Variants in IL1RAPL2 observed in about 807,000 individuals in gnomAD.
The protein encoded by IL1RAPL2 is X-linked interleukin-1 receptor accessory protein-like 2.
IL1RAPL2 carries 3 observed loss-of-function variants against 44.1 expected under a neutral mutation model. That is an observed-to-expected ratio of 0.07 (90% CI 0.03 to 0.18). The LOEUF (loss-of-function observed/expected upper bound fraction) is 0.18, where lower values mean the gene tolerates loss of function less well. Among genes scored for constraint, IL1RAPL2 ranks in the 10% least tolerant of loss-of-function variants. IL1RAPL2 has a pLI of 1.00. For missense variants in IL1RAPL2, 391 were observed against 496.4 expected, an observed-to-expected ratio of 0.79 and a Z score of 2.02; for synonymous variants, 181 against 178.8, an observed-to-expected ratio of 1.01 and a Z score of -0.10.
intron 5 of IL1RAPL2, among the ~76,000 whole-genome samples, chrX:105,380,993 A>G (rs1056460807): frequency 4.4e-4 from 49 of 111,444 alleles, no homozygotes; most frequent in Non-Finnish European, 7.6e-5. Flanking sequence ...TCAGGCATCT[A>G]TATTTATTGA....
At chrX:105,205,284 T>G (rs1213064440) in intron 3 of IL1RAPL2, among the ~76,000 whole-genome samples, 1 of 109,697 alleles carries the variant, frequency 9.1e-6, no homozygotes, top group Non-Finnish European at 1.9e-5. Context: ...GGAACAGGCT[T>G]GATTCGAGAA....
chrX:105,326,549 C>T (rs756724607), intron 5 of IL1RAPL2, among the ~76,000 whole-genome samples: 2 of 111,695 alleles, frequency 1.8e-5, no homozygotes. Flanking sequence ...TTAGCTCTTA[C>T]ATGTAGGTCT....
intron 2 of IL1RAPL2, among the ~76,000 whole-genome samples, chrX:104,847,153 C>T (rs1239477495): frequency 8.9e-6 from 1 of 111,885 alleles, no homozygotes; most frequent in Non-Finnish European, 1.9e-5. Context: ...TGCCTGTTCA[C>T]TCTGATGATA....
chrX:105,512,858 TTGC>T (rs1157117131), intron 6 of IL1RAPL2, among the ~76,000 whole-genome samples: 1 of 110,873 alleles, frequency 9.0e-6, no homozygotes, highest in African/African-American at 3.3e-5. Flanking sequence ...CCATGGTGGT[TTGC>T]TGCACACATC....
chrX:105,155,657 A>AG (rs2033262958), intron 2 of IL1RAPL2, among the ~76,000 whole-genome samples: 1 of 111,054 alleles, frequency 9.0e-6, no homozygotes, highest in South Asian at 3.8e-4. Flanking sequence ...GACTACAGAG[A>AG]GGGGGCCTGG....
intron 5 of IL1RAPL2, among the ~76,000 whole-genome samples, chrX:105,371,904 G>T (rs1471665618): frequency 9.0e-6 from 1 of 111,560 alleles, no homozygotes; most frequent in Admixed American, 9.5e-5. Context: ...TATCTGAGAT[G>T]ATATCCCGTT....
intron 5 of IL1RAPL2, among the ~76,000 whole-genome samples, chrX:105,388,950 G>A (rs1321935448): frequency 1.8e-5 from 2 of 111,030 alleles, no homozygotes; most frequent in Non-Finnish European, 3.8e-5. Context: ...ATAAATAATT[G>A]CCTACAAAGG....
chrX:105,404,272 G>A (rs752152246), intron 5 of IL1RAPL2, among the ~76,000 whole-genome samples: 1 of 111,539 alleles, frequency 9.0e-6, no homozygotes, highest in Non-Finnish European at 1.9e-5. Flanking sequence ...GCATGAGACT[G>A]GTTTAGATGA....
At chrX:105,548,820 G>A (rs2036828741) in intron 6 of IL1RAPL2, among the ~76,000 whole-genome samples, 1 of 111,812 alleles carries the variant, frequency 8.9e-6, no homozygotes, top group African/African-American at 3.3e-5. Context: ...GGATTAACAC[G>A]GTCTTAGACA....
At chrX:105,306,683 G>A (rs1474640733) in intron 5 of IL1RAPL2, among the ~76,000 whole-genome samples, 1 of 111,237 alleles carries the variant, frequency 9.0e-6, no homozygotes, top group African/African-American at 3.3e-5. Context: ...CGAAGATTGT[G>A]TTCTAAAAAG....
At chrX:105,144,460 CT>C (rs1388696931) in intron 2 of IL1RAPL2, among the ~76,000 whole-genome samples, 3 of 111,139 alleles carry the variant, frequency 2.7e-5, no homozygotes, top group African/African-American at 9.9e-5. Flanking sequence ...AAGTCTTCTG[CT>C]TAAACCCTTC....
intron 3 of IL1RAPL2, among the ~76,000 whole-genome samples, chrX:105,216,512 G>C (rs1160701191): frequency 2.7e-5 from 3 of 110,801 alleles, no homozygotes; most frequent in African/African-American, 9.9e-5. Context: ...TGTGAAAGTG[G>C]CCATACTGCC....
Position 105,767,530 on chromosome X carries a change from C to T in IL1RAPL2, c.1930C>T (p.Leu644=), listed in dbSNP as rs750845441. 1 of 1,208,420 alleles carries T rather than the reference C, an allele frequency of 8.3e-7. No homozygotes were observed. Among genetic ancestry groups the T allele is most frequent in the African/African-American group, 1.8e-5 (1 of 57,079 alleles). ...AGGCAACCACCATACTTATTGTAAC[C>T]TGCCTCTGACGCTACTCAACGGACA... ...SLGNHHTYCN[L]PLTLLNGQLP... is the part of the protein sequence containing the mutation. The change falls in exon 11 of 11, where the codon CTG becomes TTG. Residue 644 remains leucine, a synonymous_variant. Transcript: ENST00000372582.
At chrX:105,531,823 C>CTT (rs2036638892) in intron 6 of IL1RAPL2, among the ~76,000 whole-genome samples, 1 of 111,624 alleles carries the variant, frequency 9.0e-6, no homozygotes, top group Non-Finnish European at 1.9e-5. Flanking sequence ...TGGCTTTTCC[C>CTT]CAGTGTTTGT....
intron 10 of IL1RAPL2, among the ~76,000 whole-genome samples, chrX:105,759,668 A>C (rs1351037963): frequency 8.9e-6 from 1 of 112,144 alleles, no homozygotes; most frequent in Non-Finnish European, 1.9e-5. Context: ...GTCTGATTAC[A>C]TTCTTGCATT....
At chrX:105,620,024 C>T (rs1362299621) in intron 6 of IL1RAPL2, among the ~76,000 whole-genome samples, 1 of 110,734 alleles carries the variant, frequency 9.0e-6, no homozygotes, top group African/African-American at 3.3e-5. Flanking sequence ...GAAGCCAGTT[C>T]TTTGTCACTT....
intron 5 of IL1RAPL2, among the ~76,000 whole-genome samples, chrX:105,444,134 A>G (rs557905999): frequency 9.0e-6 from 1 of 111,714 alleles, no homozygotes; most frequent in African/African-American, 3.2e-5. Flanking sequence ...TGCCATTTGT[A>G]TGTCTTCTTT....
intron 6 of IL1RAPL2, among the ~76,000 whole-genome samples, chrX:105,686,478 C>T (rs1304071749): frequency 9.2e-6 from 1 of 108,598 alleles, no homozygotes; most frequent in East Asian, 2.9e-4. Context: ...CAAAGAAGGC[C>T]ATTACATAAT....
chrX:105,763,831 C>T (rs745555711), intron 10 of IL1RAPL2, among the ~76,000 whole-genome samples: 8 of 110,388 alleles, frequency 7.2e-5, no homozygotes, highest in Non-Finnish European at 1.5e-4. Context: ...GAAATGTGGG[C>T]TTCACATCTG....
Sources: allele counts gnomAD v4.1 joint callset (sites outside exome capture counted in the v4.1 genomes callset), GRCh38; gene constraint gnomAD v4.1.1; transcripts MANE v1.5; gene names NCBI Gene and HGNC (gene_info 2026-07-23, HGNC 2026-07-21).